The following ZDHHC22 variants were observed in gnomAD, a reference collection of about 807,000 sequenced individuals.
ZDHHC22 encodes palmitoyltransferase ZDHHC22.
In ZDHHC22, 13 loss-of-function variants were observed where a neutral mutation model predicts 17.0. That is an observed-to-expected ratio of 0.76 (90% CI 0.50 to 1.21). ZDHHC22 has a LOEUF of 1.21. Ranked by LOEUF, ZDHHC22 falls within the 50% of genes most tolerant of loss-of-function variation. ZDHHC22 has a pLI of 0.00. For synonymous variants in ZDHHC22, 138 were observed against 154.7 expected, an observed-to-expected ratio of 0.89 and a Z score of 0.80; for missense variants, 319 against 342.3, an observed-to-expected ratio of 0.93 and a Z score of 0.54.
intron 2 of ZDHHC22, among the ~76,000 whole-genome samples, chr14:77,135,297 C>T (rs1339606255): frequency 1.3e-5 from 2 of 152,092 alleles, no homozygotes; most frequent in Non-Finnish European, 2.9e-5. Flanking sequence ...CCCAGCCCAC[C>T]TCTTCCCAAG....
intron 1 of ZDHHC22, chr14:77,141,093 C>G (rs944543182): frequency 1.3e-5 from 2 of 152,320 alleles, no homozygotes; most frequent in African/African-American, 4.8e-5. Flanking sequence ...GTGGGCCTCT[C>G]CCTACCGCTG....
Position 77,139,709 on chromosome 14 carries a change from C to A in ZDHHC22, c.30G>T (p.Val10=). Residue 10 remains valine, a synonymous_variant, in exon 2 of 3, where the codon GTG becomes GTT. Coordinates refer to ENST00000319374, the MANE Select transcript of ZDHHC22 (RefSeq NM_174976.2). ...AGATGCACAAGAAGTAGGCGGGGGC[C>A]ACCACGTTGAGCAGCCGCAGGGCCA... The part of the protein sequence containing the change: MLALRLLNV[V]APAYFLCISL... 6.6e-7 allele frequency: 1 copy of A among 1,521,840 alleles called. No homozygotes were observed. Among genetic ancestry groups the A allele is most frequent in the Non-Finnish European group, 8.8e-7 (1 of 1,134,896 alleles). 94.3% of individuals were successfully genotyped at this position (1,521,840 alleles called of 1,614,324 possible). A position where few individuals can be genotyped will look rare whatever the true frequency, so the allele number is the denominator to read the frequency against.
chr14:77,131,956 C>T lies in ZDHHC22; in HGVS notation c.*1727G>A, dbSNP rs964853476. ...CTCTCTAGGGGGTGTGAAGGCAGAA[C>T]CACAGTAAAGTCCTCCCAATCTCTG... On this transcript the variant is annotated 3_prime_UTR_variant, in exon 3 of 3. Transcript: ENST00000319374. 6.6e-6 allele frequency: 1 copy of T among 152,230 alleles called. No individual in the cohort carries two copies. The allele number at this position is 152,230 out of a possible 1,614,324, so 9.4% of individuals were successfully genotyped here. A position where few individuals can be genotyped will look rare whatever the true frequency, so the allele number is the denominator to read the frequency against.
In ZDHHC22 at chr14:77,140,104, T is replaced by C. The variant is rs1302383714; in HGVS notation, c.-14-352A>G. Among the ~76,000 whole-genome samples, 3 of 151,908 alleles carry C rather than the reference T, an allele frequency of 2.0e-5. No individual in the cohort carries two copies. Among genetic ancestry groups the C allele is most frequent in the Non-Finnish European group, 4.4e-5 (3 of 67,942 alleles). Reference sequence around the variant, plus strand: ...CGGGGGATAGGACTCCTCCCCTCTGTGGATGTGGAAACAAGCCCAGGTTTG... The same window carrying C: ...CGGGGGATAGGACTCCTCCCCTCTGCGGATGTGGAAACAAGCCCAGGTTTG... On this transcript the variant is annotated intron_variant, in intron 1 of 2. Coordinates refer to ENST00000319374, the MANE Select transcript of ZDHHC22 (RefSeq NM_174976.2). The surrounding 1 kb of genome is among the most constrained non-coding windows in gnomAD (Gnocchi z 5.9).
In ZDHHC22 at chr14:77,139,233, G is replaced by T; in HGVS notation, c.506C>A (p.Ser169Tyr). The T allele has an allele frequency of 6.3e-7, 1 of 1,585,570 alleles. No individual in the cohort carries two copies. Among genetic ancestry groups the T allele is most frequent in the Non-Finnish European group, 8.6e-7 (1 of 1,166,054 alleles). ...CTCACCGGAGAAGAACTGGCTGATGGAGGTGGGCAGGAGCGTGAGGAAGGC... is the reference window on the plus strand; with the variant it reads ...CTCACCGGAGAAGAACTGGCTGATGTAGGTGGGCAGGAGCGTGAGGAAGGC... ...PLAFLTLLPT[S>Y]ISQFFSGAVL... is the part of the protein sequence containing the mutation. Residue 169 changes from serine to tyrosine, a missense_variant, in exon 2 of 3, where the codon TCC becomes TAC. Coordinates refer to ENST00000319374, the MANE Select transcript of ZDHHC22 (RefSeq NM_174976.2).
chr14:77,138,514 C>T (rs1850118994), intron 2 of ZDHHC22, among the ~76,000 whole-genome samples: 1 of 152,006 alleles, frequency 6.6e-6, no homozygotes, highest in African/African-American at 2.4e-5. Context: ...GCAGAGATTG[C>T]TTTCACCACT....
At chr14:77,141,443 GC>G (rs1463288057) in intron 1 of ZDHHC22, 159 bp downstream of exon 1, 1 of 152,696 alleles carries the variant, frequency 6.5e-6, no homozygotes, top group Admixed American at 6.5e-5. Context: ...CGCCCGCCTC[GC>G]CCGCGGCAGA....
In ZDHHC22 at chr14:77,133,821, C is replaced by T. The variant is rs1233637479; in HGVS notation, c.654G>A (p.Gln218=). The change falls in exon 3 of 3, where the codon CAG becomes CAA. Residue 218 remains glutamine (Q), a synonymous_variant. Coordinates refer to ENST00000319374, the MANE Select transcript of ZDHHC22 (RefSeq NM_174976.2). ...LLILRGQTRH[Q]VRKGVAVRAR... The stretch of plus-strand genomic sequence containing the variant: ...CCCTCACTGCCACCCCCTTCCGCAC[C>T]TGGTGGCGGGTCTGCCCGCGGAGGA... 3 of 1,613,828 alleles carry T rather than the reference C, an allele frequency of 1.9e-6. No individual in the cohort carries two copies. The highest frequency in any genetic ancestry group is 2.5e-6 in the Non-Finnish European group (3 of 1,179,890).
rs1264421255 is a variant in ZDHHC22 at position 77,140,258 on chromosome 14, A to C, written c.-14-506T>G. Among the ~76,000 whole-genome samples the C allele has an allele frequency of 1.3e-5, 2 of 152,078 alleles. No homozygotes were observed. Among genetic ancestry groups the C allele is most frequent in the South Asian group, 2.1e-4 (1 of 4,816 alleles). On this transcript the variant is annotated intron_variant, in intron 1 of 2. Coordinates refer to ENST00000319374, the MANE Select transcript of ZDHHC22 (RefSeq NM_174976.2). The surrounding 1 kb of genome is among the most constrained non-coding windows in gnomAD (Gnocchi z 5.9). ...CCCCTTTCTCCGTCCCTGCGTCCCC[A>C]CCCACACACACATCTTGGGCAGCAC...
rs985099217 is a variant in ZDHHC22 at position 77,131,792 on chromosome 14, C to T, written c.*1891G>A. The stretch of plus-strand genomic sequence containing the variant: ...CCCCTGATGGCATGAATCTTGTCAT[C>T]CTGTTCATCACTGCATTGCCAGTGC... On this transcript the variant is annotated 3_prime_UTR_variant, in exon 3 of 3. Transcript: ENST00000319374. The T allele has an allele frequency of 6.6e-6, 1 of 152,228 alleles. No homozygotes were observed. Among genetic ancestry groups the T allele is most frequent in the African/African-American group, 2.4e-5 (1 of 41,440 alleles). The allele number at this position is 152,228 out of a possible 1,614,324, so 9.4% of individuals were successfully genotyped here. A position where few individuals can be genotyped will look rare whatever the true frequency, so the allele number is the denominator to read the frequency against.
At position 77,140,185 on chromosome 14, in the gene ZDHHC22, G is replaced by A. The variant is rs765781597; in HGVS notation, c.-14-433C>T. On this transcript the variant is annotated intron_variant, in intron 1 of 2. Coordinates refer to ENST00000319374, the MANE Select transcript of ZDHHC22 (RefSeq NM_174976.2). This position sits in a 1 kb window ranked among gnomAD's most constrained non-coding sequence, Gnocchi z 5.9. ...GAAAGGGAAGGATTTGGGGTCGGGG[G>A]CAGGAGAATCAGCGGCACTTGACCT... 6.6e-6 allele frequency among the ~76,000 whole-genome samples: 1 copy of A among 152,162 alleles called. No homozygotes were observed. Among genetic ancestry groups the A allele is most frequent in the Non-Finnish European group, 1.5e-5 (1 of 68,026 alleles).
At chr14:77,137,762 G>A (rs1480373404) in intron 2 of ZDHHC22, among the ~76,000 whole-genome samples, 1 of 152,218 alleles carries the variant, frequency 6.6e-6, no homozygotes, top group Non-Finnish European at 1.5e-5. Context: ...CCACCACAAA[G>A]ACTGAAATGA....
At position 77,140,423 on chromosome 14, in the gene ZDHHC22, A is replaced by G. The variant is rs1046095801; in HGVS notation, c.-14-671T>C. 7 of 152,122 alleles carry G rather than the reference A, an allele frequency of 4.6e-5. No homozygotes were observed. The highest frequency in any genetic ancestry group is 8.8e-5 in the Non-Finnish European group (6 of 68,044). 9.4% of individuals were successfully genotyped at this position (152,122 alleles called of 1,614,324 possible). Reference sequence around the variant, plus strand: ...TGAGTATCTGTATTTGTGTATGTATATATCTGCGTGTACAGACACGCAGCC... The same window carrying G: ...TGAGTATCTGTATTTGTGTATGTATGTATCTGCGTGTACAGACACGCAGCC... On this transcript the variant is annotated intron_variant, in intron 1 of 2. Transcript: ENST00000319374. This position sits in a 1 kb window ranked among gnomAD's most constrained non-coding sequence, Gnocchi z 5.9.
chr14:77,139,247 C>A lies in ZDHHC22; in HGVS notation c.492G>T (p.Thr164=). 2 of 1,590,250 alleles carry A rather than the reference C, an allele frequency of 1.3e-6. No homozygotes were observed. Among genetic ancestry groups the A allele is most frequent in the Non-Finnish European group, 8.6e-7 (1 of 1,168,630 alleles). The change falls in exon 2 of 3, where the codon ACG becomes ACT. Residue 164 remains threonine, a synonymous_variant. Transcript: ENST00000319374. ...ISFAHPLAFL[T]LLPTSISQFF... ...ACTGGCTGATGGAGGTGGGCAGGAGCGTGAGGAAGGCCAAGGGGTGGGCGA... is the reference window on the plus strand; with the variant it reads ...ACTGGCTGATGGAGGTGGGCAGGAGAGTGAGGAAGGCCAAGGGGTGGGCGA...
Position 77,140,196 on chromosome 14 carries a change from A to G in ZDHHC22, c.-14-444T>C, listed in dbSNP as rs1244816503. ...ATTTGGGGTCGGGGGCAGGAGAATC[A>G]GCGGCACTTGACCTGCTGGAAATCC... On this transcript the variant is annotated intron_variant, in intron 1 of 2. Coordinates refer to ENST00000319374, the MANE Select transcript of ZDHHC22 (RefSeq NM_174976.2). The surrounding 1 kb of genome is among the most constrained non-coding windows in gnomAD (Gnocchi z 5.9). 6.6e-6 allele frequency among the ~76,000 whole-genome samples: 1 copy of G among 152,140 alleles called. No homozygotes were observed. The highest frequency in any genetic ancestry group is 1.9e-4 in the East Asian group (1 of 5,174).
At chr14:77,135,192 G>GGGT (rs910199157) in intron 2 of ZDHHC22, among the ~76,000 whole-genome samples, 1 of 26,292 alleles carries the variant, frequency 3.8e-5, no homozygotes, top group Non-Finnish European at 2.5e-4. Context: ...TCCTCTGGTG[G>GGGT]GGGGGGGGCA....
chr14:77,139,643 G>A lies in ZDHHC22; in HGVS notation c.96C>T (p.Pro32=). The A allele has an allele frequency of 1.9e-6, 3 of 1,577,128 alleles. No individual in the cohort carries two copies. The South Asian group carries it at 3.5e-5, about 18-fold the overall frequency. Reference sequence around the variant, plus strand: ...CGGCCGCGGGGTCCTCGCGCATGCTGGGCAGGAAGAGGAAGAGCTGCAGCA... The same window carrying A: ...CGGCCGCGGGGTCCTCGCGCATGCTAGGCAGGAAGAGGAAGAGCTGCAGCA... ...TFVLQLFLFL[P]SMREDPAAAR... Residue 32 remains proline (P), a synonymous_variant, in exon 2 of 3, where the codon CCC becomes CCT. Transcript: ENST00000319374.
upstream of ZDHHC22, chr14:77,142,198 G>T (rs1594832841): frequency 6.6e-6 from 1 of 152,422 alleles, no homozygotes; most frequent in East Asian, 1.9e-4. Flanking sequence ...ACCTGGGTTT[G>T]AATATTCACC....
In ZDHHC22 at chr14:77,133,811, C is replaced by G. The variant is rs772283811; in HGVS notation, c.664G>C (p.Gly222Arg). The change falls in exon 3 of 3, where the codon GGG (glycine) becomes CGG (arginine). Residue 222 changes from glycine (G) to arginine (R), a missense_variant. Coordinates refer to ENST00000319374, the MANE Select transcript of ZDHHC22 (RefSeq NM_174976.2). ...RGQTRHQVRK[G>R]VAVRARPWRK... ...CAGGGCCGGGCCCTCACTGCCACCC[C>G]CTTCCGCACCTGGTGGCGGGTCTGC... 1.1e-4 allele frequency: 184 copies of G among 1,613,988 alleles called. No individual in the cohort carries two copies. The highest frequency in any genetic ancestry group is 1.4e-4 in the Non-Finnish European group (168 of 1,179,892).
Sources: allele counts gnomAD v4.1 joint callset (sites outside exome capture counted in the v4.1 genomes callset), GRCh38; gene constraint gnomAD v4.1.1; non-coding constraint Gnocchi (gnomAD v3.1); transcripts MANE v1.5; gene names NCBI Gene and HGNC (gene_info 2026-07-23, HGNC 2026-07-21).